The following STRBP variants were observed in gnomAD, a reference collection of about 807,000 sequenced individuals.
The protein encoded by STRBP is spermatid perinuclear RNA binding protein.
Under a neutral mutation model 80.1 loss-of-function variants are expected in STRBP, and 13 were observed. The observed-to-expected ratio is 0.16, with a 90% CI of 0.11 to 0.26. STRBP has a LOEUF of 0.26. Among genes scored for constraint, STRBP ranks in the 10% least tolerant of loss-of-function variants. The probability of loss-of-function intolerance (pLI) is 1.00; values close to 1 mark genes in which losing one functional copy is unlikely to be tolerated. For missense variants in STRBP, 485 were observed against 815.2 expected (o/e 0.59, Z 4.93); for synonymous variants, 284 against 291.2 (o/e 0.98, Z 0.25).
At chr9:123,121,616 G>GTTTTTTTTTTTTTTATTTTTTTTTT (rs55974272), downstream of STRBP, 1 of 132,592 alleles carries the variant, frequency 7.5e-6, no homozygotes, top group African/African-American at 2.7e-5. Context: ...TTTTGTTTTT[G>GTTTTTTTTTTTTTTATTTTTTTTTT]TTTTTTTTTT....
downstream of STRBP, among the ~76,000 whole-genome samples, chr9:123,118,187 T>C (rs1377951743): frequency 6.6e-6 from 1 of 152,194 alleles, no homozygotes; most frequent in East Asian, 1.9e-4. Context: ...GATACTACTA[T>C]TGCCAGAAAG....
At chr9:123,127,992 A>C (rs2035965074) in intron 18 of STRBP, among the ~76,000 whole-genome samples, 1 of 152,256 alleles carries the variant, frequency 6.6e-6, no homozygotes, top group African/African-American at 2.4e-5. Flanking sequence ...ACAGGCAATT[A>C]GAACAAGCAG....
Position 123,122,998 on chromosome 9 carries a change from T to C in STRBP, c.*2599A>G. 2.0e-6 allele frequency: 2 copies of C among 985,486 alleles called. No homozygotes were observed. Among genetic ancestry groups the C allele is most frequent in the Non-Finnish European group, 2.4e-6 (2 of 829,948 alleles). 61.0% of individuals were successfully genotyped at this position (985,486 alleles called of 1,614,324 possible). A position where few individuals can be genotyped will look rare whatever the true frequency, so the allele number is the denominator to read the frequency against. ...TGCTCTTCTTTAAAATGATCAGTCA[T>C]TGCTTTCAAAAAGAGGGTGTCAGAG... On this transcript the variant is annotated 3_prime_UTR_variant, in exon 19 of 19. Coordinates refer to ENST00000348403, the MANE Select transcript of STRBP (RefSeq NM_018387.5).
intron 2 of STRBP, among the ~76,000 whole-genome samples, chr9:123,210,749 A>G (rs1347397106): frequency 2.0e-5 from 3 of 152,122 alleles, no homozygotes; most frequent in African/African-American, 7.2e-5. Context: ...GAATCGCTTG[A>G]ACCTGGGAGA....
intron 1 of STRBP, among the ~76,000 whole-genome samples, chr9:123,244,380 A>G (rs1187512752): frequency 6.6e-6 from 1 of 152,236 alleles, no homozygotes; most frequent in African/African-American, 2.4e-5. Flanking sequence ...AACAGTGGAC[A>G]CATGTCATTT....
chr9:123,185,608 T>C (rs985075131), intron 2 of STRBP, among the ~76,000 whole-genome samples: 6 of 152,162 alleles, frequency 3.9e-5, no homozygotes, highest in Middle Eastern at 3.4e-3. Context: ...CTAAATACAA[T>C]ACTAAAATTT....
chr9:123,160,486 G>T, intron 7 of STRBP, 24 bp from the exon 8 acceptor site: 2 of 1,564,018 alleles, frequency 1.3e-6, no homozygotes, highest in South Asian at 2.3e-5. Flanking sequence ...AATGATTCCA[G>T]ATATCCCTAT....
intron 3 of STRBP, among the ~76,000 whole-genome samples, chr9:123,181,422 A>G (rs2038452832): frequency 6.6e-6 from 1 of 152,222 alleles, no homozygotes; most frequent in Non-Finnish European, 1.5e-5. Flanking sequence ...TTTATCACAC[A>G]AATAATACAG....
chr9:123,169,378 C>T (rs533916083), intron 6 of STRBP, among the ~76,000 whole-genome samples: 6 of 152,072 alleles, frequency 3.9e-5, no homozygotes, highest in African/African-American at 1.4e-4. Context: ...GCCAAGTTGG[C>T]CAGGTTGGTC....
chr9:123,263,257 T>A (rs191180533), intron 1 of STRBP, among the ~76,000 whole-genome samples: 79 of 152,092 alleles, frequency 5.2e-4, no homozygotes, highest in Non-Finnish European at 6.6e-4. Flanking sequence ...CAAGGCAAAT[T>A]AATGTGTAAT....
chr9:123,208,965 A>G (rs1242770285), intron 2 of STRBP, among the ~76,000 whole-genome samples: 3 of 152,060 alleles, frequency 2.0e-5, no homozygotes, highest in Non-Finnish European at 4.4e-5. Flanking sequence ...CCTCCTCAAC[A>G]TGGTTAGGTG....
intron 4 of STRBP, among the ~76,000 whole-genome samples, chr9:123,177,759 C>T (rs2038283251): frequency 6.6e-6 from 1 of 152,002 alleles, no homozygotes; most frequent in Non-Finnish European, 1.5e-5. Flanking sequence ...GAAATGTATA[C>T]TTACAATTAG....
chr9:123,171,633 A>C (rs2038014675), intron 5 of STRBP, among the ~76,000 whole-genome samples: 1 of 152,200 alleles, frequency 6.6e-6, no homozygotes, highest in Admixed American at 6.5e-5. Context: ...ATTAGTGTAC[A>C]ATCATCATCC....
intron 1 of STRBP, among the ~76,000 whole-genome samples, chr9:123,247,038 TA>T (rs2040812876): frequency 6.6e-6 from 1 of 152,062 alleles, no homozygotes; most frequent in Admixed American, 6.6e-5. Context: ...GGCAATTAAT[TA>T]AATAACAACA....
chr9:123,230,425 G>C (rs1468608808), intron 2 of STRBP, among the ~76,000 whole-genome samples: 2 of 152,108 alleles, frequency 1.3e-5, no homozygotes, highest in Non-Finnish European at 2.9e-5. Context: ...ATTTTATCTA[G>C]TTACTTATTT....
At position 123,124,385 on chromosome 9, in the gene STRBP, A is replaced by G; in HGVS notation, c.*1212T>C. 1.0e-6 allele frequency: 1 copy of G among 985,430 alleles called. No homozygotes were observed. Among genetic ancestry groups the G allele is most frequent in the African/African-American group, 1.7e-5 (1 of 57,330 alleles). 61.0% of individuals were successfully genotyped at this position (985,430 alleles called of 1,614,324 possible). ...AACAAGGTGAGAATGCAAGTGGAGGACTTAGGTCTGCACCCTTTACAGAAC... is the reference window on the plus strand; with the variant it reads ...AACAAGGTGAGAATGCAAGTGGAGGGCTTAGGTCTGCACCCTTTACAGAAC... On this transcript the variant is annotated 3_prime_UTR_variant, in exon 19 of 19. Transcript: ENST00000348403.
At position 123,139,696 on chromosome 9, in the gene STRBP, A is replaced by G. The variant is rs753985021; in HGVS notation, c.1339-9T>C. The G allele has an allele frequency of 7.5e-6, 12 of 1,604,622 alleles. No homozygotes were observed. Among genetic ancestry groups the G allele is most frequent in the Non-Finnish European group, 1.0e-5 (12 of 1,177,974 alleles). ...CCCATTGCCTGCAATACCTGTACAA[A>G]TTACATTAAAATGCAGTTTTATTCA... On this transcript the variant is annotated splice_polypyrimidine_tract_variant and intron_variant, in intron 13 of 18. Coordinates refer to ENST00000348403, the MANE Select transcript of STRBP (RefSeq NM_018387.5).
intron 6 of STRBP, among the ~76,000 whole-genome samples, chr9:123,164,999 T>A (rs565460710): frequency 6.6e-6 from 1 of 152,062 alleles, no homozygotes; most frequent in African/African-American, 2.4e-5. Flanking sequence ...TTGCCCTGGA[T>A]TGACCGGGCA....
chr9:123,154,793 T>C (rs2037209440), intron 11 of STRBP, among the ~76,000 whole-genome samples: 1 of 152,070 alleles, frequency 6.6e-6, no homozygotes, highest in Non-Finnish European at 1.5e-5. Flanking sequence ...TCAATGAGAA[T>C]TCAAAGTGAG....
Sources: gnomAD v4.1 joint callset for allele counts (sites outside exome capture counted in the v4.1 genomes callset) on GRCh38, gnomAD v4.1.1 for gene constraint, MANE v1.5 for transcripts, NCBI Gene and HGNC (gene_info 2026-07-23, HGNC 2026-07-21) for gene names.